Variants in WDPCP observed in about 807,000 individuals in gnomAD.
WDPCP encodes the protein WD repeat containing planar cell polarity effector.
A neutral mutation model predicts 93.1 loss-of-function variants in WDPCP; 71 were observed. The observed-to-expected ratio is 0.76, with a 90% CI of 0.63 to 0.93. The LOEUF is 0.93. WDPCP is among the 40% of genes least tolerant of loss of function. The pLI, the probability that WDPCP is intolerant of heterozygous loss-of-function variation, is 0.00. For missense variants in WDPCP, 844 were observed against 887.4 expected, an observed-to-expected ratio of 0.95 and a Z score of 0.62; for synonymous variants, 315 against 315.0, an observed-to-expected ratio of 1.00 and a Z score of 0.00.
chr2:63,679,784 G>A (rs551233947), intron 2 of WDPCP, among the ~76,000 whole-genome samples: 113 of 152,064 alleles, frequency 7.4e-4, no homozygotes, highest in Non-Finnish European at 1.2e-3. Flanking sequence ...TAAGCTTCAT[G>A]GCCACTGTAT....
At chr2:63,814,680 G>T (rs941151836) in intron 1 of WDPCP, among the ~76,000 whole-genome samples, 1 of 152,108 alleles carries the variant, frequency 6.6e-6, no homozygotes, top group African/African-American at 2.4e-5. Flanking sequence ...CACACGAAAT[G>T]ACTTTAAAAT....
chr2:63,359,600 A>G (rs1690284138), intron 12 of WDPCP, among the ~76,000 whole-genome samples: 1 of 152,216 alleles, frequency 6.6e-6, no homozygotes, highest in South Asian at 2.1e-4. Flanking sequence ...AGTTTCCTAT[A>G]GAACTAACCA....
chr2:63,397,632 C>CT (rs1693836511), intron 10 of WDPCP, among the ~76,000 whole-genome samples: 1 of 152,276 alleles, frequency 6.6e-6, no homozygotes, highest in East Asian at 1.9e-4. Context: ...TCATAGAAGG[C>CT]TGTTTGATGA....
chr2:63,397,214 G>A lies in WDPCP; in HGVS notation c.1435+6834C>T, dbSNP rs141694186. Among the ~76,000 whole-genome samples, 6 of 152,238 alleles carry A rather than the reference G, an allele frequency of 3.9e-5. No homozygotes were observed. In the East Asian group the frequency reaches 7.7e-4, roughly 20 times the overall value. On this transcript the variant is annotated intron_variant, in intron 10 of 17. Coordinates refer to ENST00000272321, the MANE Select transcript of WDPCP (RefSeq NM_015910.7). ...ATGTTTTGACTGTATTTAGAAGGCC[G>A]AATCGATAGGATTTGGTCACTAATT...
chr2:63,545,719 G>A (rs747682163), intron 1 of WDPCP, among the ~76,000 whole-genome samples: 2 of 151,908 alleles, frequency 1.3e-5, no homozygotes, highest in South Asian at 4.2e-4. Flanking sequence ...ACATTCAAGT[G>A]TTCATGGACC....
At chr2:63,703,377 G>GGAAA (rs1158528508) in intron 2 of WDPCP, among the ~76,000 whole-genome samples, 53 of 152,222 alleles carry the variant, frequency 3.5e-4, no homozygotes, top group Non-Finnish European at 4.7e-4. Flanking sequence ...ATCCTCTCCA[G>GGAAA]CACCTGTTGT....
At chr2:63,549,654 T>A (rs1705427623) in intron 1 of WDPCP, among the ~76,000 whole-genome samples, 1 of 152,080 alleles carries the variant, frequency 6.6e-6, no homozygotes, top group South Asian at 2.1e-4. Flanking sequence ...TAATCCCAGC[T>A]ACTCGGGAGG....
At chr2:63,770,922 C>T (rs1403802640) in intron 2 of WDPCP, among the ~76,000 whole-genome samples, 2 of 151,782 alleles carry the variant, frequency 1.3e-5, no homozygotes, top group African/African-American at 4.8e-5. Context: ...TTACTGTTTT[C>T]ATTTGAGATA....
chr2:63,612,366 C>T (rs554683584), intron 3 of WDPCP, among the ~76,000 whole-genome samples: 8 of 152,264 alleles, frequency 5.3e-5, no homozygotes, highest in Non-Finnish European at 8.8e-5. Context: ...GATCGAAATA[C>T]GCCACCCCAA....
chr2:63,769,336 C>T (rs1670191841), intron 2 of WDPCP, among the ~76,000 whole-genome samples: 1 of 151,884 alleles, frequency 6.6e-6, no homozygotes, highest in African/African-American at 2.4e-5. Context: ...ATTCCAATAA[C>T]ATAAAAATAT....
At chr2:63,563,810 T>G (rs901488204) in intron 1 of WDPCP, among the ~76,000 whole-genome samples, 1 of 152,156 alleles carries the variant, frequency 6.6e-6, no homozygotes, top group Non-Finnish European at 1.5e-5. Context: ...GACTTCATCC[T>G]TCATGCAGCC....
intron 2 of WDPCP, among the ~76,000 whole-genome samples, chr2:63,763,367 T>C (rs1284508302): frequency 6.6e-6 from 1 of 151,964 alleles, no homozygotes; most frequent in Non-Finnish European, 1.5e-5. Flanking sequence ...TAGCTGGGCA[T>C]GGTGGCACAC....
chr2:63,764,223 A>G (rs1306850619), intron 2 of WDPCP, among the ~76,000 whole-genome samples: 1 of 152,192 alleles, frequency 6.6e-6, no homozygotes, highest in African/African-American at 2.4e-5. Flanking sequence ...CTGGCTCCAC[A>G]TAATAAGCAC....
chr2:63,194,228 TAGA>T (rs1282410058), intron 14 of WDPCP, among the ~76,000 whole-genome samples: 6 of 152,204 alleles, frequency 3.9e-5, no homozygotes, highest in African/African-American at 1.4e-4. Flanking sequence ...TTTTTAGAAC[TAGA>T]AGAAGGCAAG....
intron 10 of WDPCP, among the ~76,000 whole-genome samples, chr2:63,393,116 G>C (rs1373485700): frequency 6.6e-6 from 1 of 152,190 alleles, no homozygotes; most frequent in East Asian, 1.9e-4. Flanking sequence ...ATTCACAATA[G>C]CAAAGATTTG....
chr2:63,591,363 T>C (rs889776532), upstream of WDPCP, among the ~76,000 whole-genome samples: 2 of 152,246 alleles, frequency 1.3e-5, no homozygotes, highest in African/African-American at 4.8e-5. Flanking sequence ...AGCCTCATAC[T>C]ACCATTAATA....
chr2:63,346,688 A>G (rs778647009), intron 12 of WDPCP, among the ~76,000 whole-genome samples: 41 of 152,178 alleles, frequency 2.7e-4, no homozygotes, highest in Non-Finnish European at 4.3e-4. Flanking sequence ...ACTCTTATGT[A>G]GATTTATGGA....
chr2:63,382,514 CT>C (rs959381421), intron 10 of WDPCP, among the ~76,000 whole-genome samples: 7 of 152,032 alleles, frequency 4.6e-5, no homozygotes, highest in Middle Eastern at 3.4e-3. Flanking sequence ...GTTACAAAAT[CT>C]TTTTTTCTTC....
At chr2:63,688,523 G>GTGGGGATGATT (rs58986536) in intron 2 of WDPCP, among the ~76,000 whole-genome samples, 131 of 151,848 alleles carry the variant, frequency 8.6e-4, no homozygotes, top group Admixed American at 1.4e-3. Flanking sequence ...GTTGGGGAGA[G>GTGGGGATGATT]AAATAGTTAG....
Sources: gnomAD v4.1 joint callset for allele counts (sites outside exome capture counted in the v4.1 genomes callset) on GRCh38, gnomAD v4.1.1 for gene constraint, MANE v1.5 for transcripts, NCBI Gene and HGNC (gene_info 2026-07-23, HGNC 2026-07-21) for gene names.